PHACTR1: variants seen among roughly 807,000 people sequenced by gnomAD.
The protein encoded by PHACTR1 is RPEL repeat containing 1.
PHACTR1 carries 16 observed loss-of-function variants against 69.2 expected under a neutral mutation model. The ratio of observed to expected loss-of-function variants is 0.23; its 90% CI spans 0.16 to 0.35. The LOEUF (loss-of-function observed/expected upper bound fraction) is 0.35. Among genes scored for constraint, PHACTR1 ranks in the 10% least tolerant of loss-of-function variants. The pLI, the probability that PHACTR1 is intolerant of heterozygous loss-of-function variation, is 1.00. For synonymous variants in PHACTR1, 312 were observed against 284.5 expected (o/e 1.10, Z -0.97); for missense variants, 510 against 734.7 (o/e 0.69, Z 3.54).
intron 5 of PHACTR1, among the ~76,000 whole-genome samples, chr6:13,079,114 G>T (rs1583264015): frequency 6.6e-6 from 1 of 151,992 alleles, no homozygotes; most frequent in Admixed American, 6.6e-5. Context: ...TCCTCATAAG[G>T]CATATAGGCT....
intron 4 of PHACTR1, among the ~76,000 whole-genome samples, chr6:12,943,113 C>T (rs1790223952): frequency 6.6e-6 from 1 of 152,108 alleles, no homozygotes; most frequent in Non-Finnish European, 1.5e-5. Context: ...GTAGAAACAC[C>T]CACAAATGTT....
At chr6:12,933,125 G>C (rs374301044) in intron 4 of PHACTR1, among the ~76,000 whole-genome samples, 1 of 151,832 alleles carries the variant, frequency 6.6e-6, no homozygotes, top group African/African-American at 2.4e-5. Context: ...TAGTAGATAT[G>C]TGGTTTAGCC....
chr6:12,942,742 T>A (rs1790184190), intron 4 of PHACTR1, among the ~76,000 whole-genome samples: 1 of 152,208 alleles, frequency 6.6e-6, no homozygotes, highest in South Asian at 2.1e-4. Context: ...AATGCCCTAG[T>A]GTTTGACAAT....
chr6:13,201,466 A>G (rs1177915164), intron 7 of PHACTR1, among the ~76,000 whole-genome samples: 1 of 152,206 alleles, frequency 6.6e-6, no homozygotes, highest in Non-Finnish European at 1.5e-5. Context: ...AGACAGAGTC[A>G]TACTTGGACT....
chr6:12,855,457 G>A (rs777845339), intron 4 of PHACTR1, among the ~76,000 whole-genome samples: 1 of 152,182 alleles, frequency 6.6e-6, no homozygotes, highest in Non-Finnish European at 1.5e-5. Context: ...GTCTCTATGA[G>A]ACAAAAAACA....
chr6:12,884,071 TACAC>T (rs1232064846), intron 4 of PHACTR1, among the ~76,000 whole-genome samples: 1 of 151,736 alleles, frequency 6.6e-6, no homozygotes, highest in African/African-American at 2.4e-5. Flanking sequence ...TGTACCCACA[TACAC>T]ACACATACAC....
chr6:12,897,564 T>C (rs1000927432), intron 4 of PHACTR1, among the ~76,000 whole-genome samples: 2 of 152,162 alleles, frequency 1.3e-5, no homozygotes, highest in African/African-American at 4.8e-5. Flanking sequence ...CTTCGCCTAA[T>C]TTATAGCGTC....
At chr6:12,887,841 G>T (rs1783788781) in intron 4 of PHACTR1, among the ~76,000 whole-genome samples, 1 of 151,944 alleles carries the variant, frequency 6.6e-6, no homozygotes, top group Non-Finnish European at 1.5e-5. Context: ...GACCAAGGCG[G>T]GTGGATTGCC....
chr6:13,141,022 A>G (rs546301424), intron 5 of PHACTR1, among the ~76,000 whole-genome samples: 1 of 152,236 alleles, frequency 6.6e-6, no homozygotes, highest in African/African-American at 2.4e-5. Flanking sequence ...TATTGTGTAG[A>G]ATATAACCTC....
intron 4 of PHACTR1, among the ~76,000 whole-genome samples, chr6:12,924,412 AT>A (rs1481576605): frequency 3.9e-5 from 6 of 152,162 alleles, no homozygotes; most frequent in African/African-American, 1.2e-4. Context: ...ATTGACACTG[AT>A]TTGCCCATCT....
chr6:13,124,639 A>T (rs538022745), intron 5 of PHACTR1, among the ~76,000 whole-genome samples: 2 of 152,362 alleles, frequency 1.3e-5, no homozygotes, highest in South Asian at 4.1e-4. Flanking sequence ...TGCCATAACA[A>T]AATACCACAG....
intron 4 of PHACTR1, among the ~76,000 whole-genome samples, chr6:12,991,525 A>G (rs1796818251): frequency 6.6e-6 from 1 of 152,226 alleles, no homozygotes; most frequent in Non-Finnish European, 1.5e-5. Context: ...TGATGTCATT[A>G]AAAATATTCC....
intron 4 of PHACTR1, among the ~76,000 whole-genome samples, chr6:12,944,063 T>C (rs973726263): frequency 2.6e-5 from 4 of 152,192 alleles, no homozygotes; most frequent in Non-Finnish European, 5.9e-5. Flanking sequence ...TCTTACTACA[T>C]TGCACCACTT....
At chr6:13,190,241 G>A (rs1460765507) in intron 7 of PHACTR1, among the ~76,000 whole-genome samples, 1 of 120,796 alleles carries the variant, frequency 8.3e-6, no homozygotes, top group Non-Finnish European at 1.7e-5. Context: ...CACCATATTG[G>A]CCAGGCTGGT....
At chr6:12,914,676 CA>C (rs1786775430) in intron 4 of PHACTR1, among the ~76,000 whole-genome samples, 1 of 152,024 alleles carries the variant, frequency 6.6e-6, no homozygotes, top group African/African-American at 2.4e-5. Context: ...GTTGCTCTCT[CA>C]GGGGGAGCAA....
At chr6:13,110,983 C>T (rs369095054) in intron 5 of PHACTR1, among the ~76,000 whole-genome samples, 54 of 151,752 alleles carry the variant, frequency 3.6e-4, no homozygotes, top group African/African-American at 1.3e-3. Flanking sequence ...CTATAATATT[C>T]AGGAATTCTC....
Position 12,749,664 on chromosome 6 carries a change from C to T in PHACTR1, c.124C>T (p.Leu42=), listed in dbSNP as rs1350005861. ...CTCAGCTCGCCGGGCGACCCTGCTC[C>T]TGCCTCCCACATTAATGGCGGCATC... is the stretch of plus-strand genomic sequence containing the variant. The part of the protein sequence containing the change: ...GAQARRATLL[L]PPTLMAASSE... The change falls in exon 4 of 15, where the codon CTG becomes TTG. Residue 42 remains leucine (L), a synonymous_variant. Coordinates refer to ENST00000332995, the MANE Select transcript of PHACTR1 (RefSeq NM_030948.6). 1.2e-6 allele frequency: 2 copies of T among 1,611,698 alleles called. No homozygotes were observed. Among genetic ancestry groups the T allele is most frequent in the Non-Finnish European group, 1.7e-6 (2 of 1,179,418 alleles).
At chr6:12,758,275 T>A (rs1325422921) in intron 4 of PHACTR1, among the ~76,000 whole-genome samples, 1 of 151,376 alleles carries the variant, frequency 6.6e-6, no homozygotes, top group Non-Finnish European at 1.5e-5. Context: ...AAACTCAGTC[T>A]CTACTAAAAA....
chr6:12,875,224 G>A lies in PHACTR1; in HGVS notation c.250+125434G>A, dbSNP rs115754258. Among the ~76,000 whole-genome samples the A allele has an allele frequency of 4.0e-3, 603 of 152,254 alleles. 2 individuals are homozygous for A. The highest frequency in any genetic ancestry group is 0.014 in the African/African-American group (578 of 41,544). ...CATTGTACTTAATGTATTCAATGGC[G>A]TGCATGTTACAATTTATCTGGAAAA... On this transcript the variant is annotated intron_variant, in intron 4 of 14. Transcript: ENST00000332995.
Sources: allele counts gnomAD v4.1 joint callset (sites outside exome capture counted in the v4.1 genomes callset), GRCh38; gene constraint gnomAD v4.1.1; transcripts MANE v1.5; gene names NCBI Gene and HGNC (gene_info 2026-07-23, HGNC 2026-07-21).